PBX1: variants seen among roughly 807,000 people sequenced by gnomAD.
The protein encoded by PBX1 is pre-B-cell leukemia transcription factor 1.
PBX1 carries 6 observed loss-of-function variants against 53.4 expected under a neutral mutation model. That is an observed-to-expected ratio of 0.11 (90% CI 0.06 to 0.22). PBX1 has a LOEUF of 0.22. Ranked by LOEUF, PBX1 falls within the 10% of genes least tolerant of loss-of-function variation. The pLI, the probability that PBX1 is intolerant of heterozygous loss-of-function variation, is 1.00. For synonymous variants in PBX1, 204 were observed against 212.3 expected, an observed-to-expected ratio of 0.96 and a Z score of 0.34; for missense variants, 251 against 551.4, an observed-to-expected ratio of 0.46 and a Z score of 5.46.
intron 2 of PBX1, among the ~76,000 whole-genome samples, chr1:164,699,319 CAA>C (rs1662971460): frequency 3.3e-5 from 5 of 152,090 alleles, no homozygotes; most frequent in African/African-American, 1.2e-4. Flanking sequence ...AACAGGGAGC[CAA>C]GCTTTCAAAA....
At chr1:164,841,232 A>G (rs1450561309) in intron 8 of PBX1, among the ~76,000 whole-genome samples, 1 of 152,208 alleles carries the variant, frequency 6.6e-6, no homozygotes, top group Non-Finnish European at 1.5e-5. Context: ...AGTCTTACAA[A>G]GCAGCCAAGG....
At chr1:164,704,606 A>G (rs1663321459) in intron 2 of PBX1, among the ~76,000 whole-genome samples, 1 of 152,154 alleles carries the variant, frequency 6.6e-6, no homozygotes, top group African/African-American at 2.4e-5. Context: ...ATATTACTGA[A>G]TGTCAGAGCT....
At chr1:164,812,181 A>G (rs541892804) in intron 6 of PBX1, 32 bp downstream of exon 6, 1 of 1,587,190 alleles carries the variant, frequency 6.3e-7, no homozygotes, top group African/African-American at 1.4e-5. Flanking sequence ...GGGTGGGGGA[A>G]GGAATTGTTC....
At chr1:164,611,288 A>C (rs1477768514) in intron 2 of PBX1, among the ~76,000 whole-genome samples, 1 of 152,074 alleles carries the variant, frequency 6.6e-6, no homozygotes, top group African/African-American at 2.4e-5. Context: ...CCCAGGCTAG[A>C]GTGCAGTGGC....
intron 2 of PBX1, among the ~76,000 whole-genome samples, chr1:164,744,050 G>T (rs535343818): frequency 1.3e-5 from 2 of 152,266 alleles, no homozygotes; most frequent in Admixed American, 6.5e-5. Context: ...CGATTGATTA[G>T]TCTTGATTAC....
intron 2 of PBX1, among the ~76,000 whole-genome samples, chr1:164,624,284 C>G (rs1324530675): frequency 6.6e-6 from 1 of 152,034 alleles, no homozygotes; most frequent in Non-Finnish European, 1.5e-5. Context: ...GTTCTTGTGC[C>G]AAAAAGAAGT....
At chr1:164,690,620 AGCTT>A (rs1186669175) in intron 2 of PBX1, among the ~76,000 whole-genome samples, 1 of 139,398 alleles carries the variant, frequency 7.2e-6, no homozygotes, top group Non-Finnish European at 1.5e-5. Flanking sequence ...AAAAAATTTA[AGCTT>A]TTCTTAAAAA....
chr1:164,580,807 G>A (rs1654563454), intron 2 of PBX1, among the ~76,000 whole-genome samples: 2 of 152,152 alleles, frequency 1.3e-5, no homozygotes, highest in African/African-American at 4.8e-5. Context: ...TGGAACTCCT[G>A]ACCTCAGGTG....
At chr1:164,565,422 GACACAC>G (rs36118857) in intron 2 of PBX1, among the ~76,000 whole-genome samples, 22 of 146,010 alleles carry the variant, frequency 1.5e-4, no homozygotes, top group Admixed American at 4.8e-4. Flanking sequence ...TGTGTTAAGG[GACACAC>G]ACACACACAC....
intron 8 of PBX1, among the ~76,000 whole-genome samples, chr1:164,833,014 C>A (rs1241244398): frequency 6.6e-6 from 1 of 152,050 alleles, no homozygotes; most frequent in Non-Finnish European, 1.5e-5. Context: ...GCCAAAATGA[C>A]ACTTAATAAC....
At chr1:164,807,224 T>A (rs535272196) in intron 4 of PBX1, among the ~76,000 whole-genome samples, 1 of 152,184 alleles carries the variant, frequency 6.6e-6, no homozygotes, top group South Asian at 2.1e-4. Flanking sequence ...ACCACTGCAC[T>A]CCAGCCTGGG....
chr1:164,770,939 G>A (rs1046644131), intron 2 of PBX1: 1 of 152,234 alleles, frequency 6.6e-6, no homozygotes, highest in East Asian at 1.9e-4. Flanking sequence ...TTTAAAGTCA[G>A]CATTCTCCTG....
intron 8 of PBX1, among the ~76,000 whole-genome samples, chr1:164,825,087 C>A (rs1268290605): frequency 1.3e-5 from 2 of 152,146 alleles, no homozygotes; most frequent in Admixed American, 1.3e-4. Flanking sequence ...CTCCTGTCAT[C>A]AAAATAAACT....
chr1:164,776,124 T>C (rs888389582), intron 2 of PBX1, among the ~76,000 whole-genome samples: 2 of 152,196 alleles, frequency 1.3e-5, no homozygotes, highest in African/African-American at 2.4e-5. Flanking sequence ...GAATGGGTCT[T>C]TGATTTAGTG....
intron 5 of PBX1, among the ~76,000 whole-genome samples, chr1:164,807,924 G>A (rs1669434058): frequency 6.6e-6 from 1 of 152,190 alleles, no homozygotes; most frequent in Non-Finnish European, 1.5e-5. Context: ...GTAAAAACAG[G>A]ATTAGGGTTC....
rs1443642427 is a variant in PBX1 at position 164,674,338 on chromosome 1, T to C, written c.265+111027T>C. On this transcript the variant is annotated intron_variant, in intron 2 of 8. Transcript: ENST00000420696. ...AGCCATAGTGTCTTTGTGTTTTCAG[T>C]ACAAATCTAGTTGATTCTCTGGCTT... Among the ~76,000 whole-genome samples, 3 of 152,222 alleles carry C rather than the reference T, an allele frequency of 2.0e-5. No homozygotes were observed. The East Asian group carries it at 5.8e-4, about 29-fold the overall frequency.
chr1:164,715,615 T>G (rs1460156482), intron 2 of PBX1, among the ~76,000 whole-genome samples: 2 of 152,216 alleles, frequency 1.3e-5, no homozygotes, highest in Admixed American at 1.3e-4. Flanking sequence ...TGGATCATAA[T>G]AGGTATTTGA....
chr1:164,863,087 G>GT (rs1022478987), intron 2 of PBX1, among the ~76,000 whole-genome samples: 3 of 152,028 alleles, frequency 2.0e-5, no homozygotes, highest in East Asian at 1.9e-4. Flanking sequence ...GCTGAGTGTG[G>GT]TAAAAAAAAA....
rs959647058 is a variant in PBX1, at chr1:164,763,550, C to T, written c.266-28944C>T. Among the ~76,000 whole-genome samples the T allele has an allele frequency of 3.9e-5, 6 of 152,284 alleles. No individual in the cohort carries two copies. The East Asian group carries it at 5.8e-4, about 15-fold the overall frequency. On this transcript the variant is annotated intron_variant, in intron 2 of 8. Transcript: ENST00000420696. Reference sequence around the variant, plus strand: ...GAAACGGGGCAAGTTTCTGAAATGTCACTGCACTTGGGTTTAGCTACAGCC... The same window carrying T: ...GAAACGGGGCAAGTTTCTGAAATGTTACTGCACTTGGGTTTAGCTACAGCC...
Sources: gnomAD v4.1 joint callset for allele counts (sites outside exome capture counted in the v4.1 genomes callset) on GRCh38, gnomAD v4.1.1 for gene constraint, MANE v1.5 for transcripts, NCBI Gene and HGNC (gene_info 2026-07-23, HGNC 2026-07-21) for gene names.